UTP4: variants seen among roughly 807,000 people sequenced by gnomAD.
UTP4 encodes the protein UTP4 small subunit processome component.
Under a neutral mutation model 82.4 loss-of-function variants are expected in UTP4, and 45 were observed. That is an observed-to-expected ratio of 0.55 (90% CI 0.43 to 0.70). UTP4 has a LOEUF of 0.70. Among genes scored for constraint, UTP4 ranks in the 30% least tolerant of loss-of-function variants. The probability of loss-of-function intolerance (pLI) is 0.00; values close to 1 mark genes in which losing one functional copy is unlikely to be tolerated. For synonymous variants in UTP4, 348 were observed against 300.3 expected, an observed-to-expected ratio of 1.16 and a Z score of -1.64; for missense variants, 819 against 858.3, an observed-to-expected ratio of 0.95 and a Z score of 0.57.
chr16:69,166,785 G>A (rs960062603), intron 15 of UTP4: 48 of 403,950 alleles, frequency 1.2e-4, no homozygotes, highest in African/African-American at 9.4e-4. Flanking sequence ...CTTGCTGCAT[G>A]GAGTTAACAA....
intron 13 of UTP4, 65 bp downstream of exon 13, chr16:69,160,527 A>ATTC: frequency 8.5e-7 from 1 of 1,173,088 alleles, no homozygotes; most frequent in Non-Finnish European, 1.3e-6. Flanking sequence ...CCCTGCAGTT[A>ATTC]CAAGATTCAA....
intron 6 of UTP4, among the ~76,000 whole-genome samples, chr16:69,147,252 C>G (rs1963143798): frequency 6.6e-6 from 1 of 151,228 alleles, no homozygotes; most frequent in South Asian, 2.1e-4. Flanking sequence ...GCCTGTAAAC[C>G]TACCACTTTG....
chr16:69,136,403 T>G (rs1962816420), intron 2 of UTP4, among the ~76,000 whole-genome samples: 1 of 152,202 alleles, frequency 6.6e-6, no homozygotes, highest in African/African-American at 2.4e-5. Context: ...ACTTTTTATA[T>G]TTTTTGTAGA....
chr16:69,162,270 C>G (rs565396251), intron 13 of UTP4, among the ~76,000 whole-genome samples: 35 of 150,256 alleles, frequency 2.3e-4, no homozygotes, highest in African/African-American at 8.3e-4. Context: ...CCCGGCCAAC[C>G]AATAGGTATT....
At position 69,133,566 on chromosome 16, in the gene UTP4, C is replaced by T; in HGVS notation, c.107C>T (p.Thr36Ile). 1 of 1,614,174 alleles carries T rather than the reference C, an allele frequency of 6.2e-7. No homozygotes were observed. The highest frequency in any genetic ancestry group is 1.1e-5 in the South Asian group (1 of 91,084). Residue 36 changes from threonine (T) to isoleucine (I), a missense_variant, in exon 2 of 17, where the codon ACA (threonine) becomes ATA (isoleucine). Transcript: ENST00000314423. ...TCAAACAGATTGGCTGTTTCACGAACAGATGGCACTGTGGAAATTTATAAC... is the reference window on the plus strand; with the variant it reads ...TCAAACAGATTGGCTGTTTCACGAATAGATGGCACTGTGGAAATTTATAAC... ...NQSNRLAVSR[T>I]DGTVEIYNLS...
intron 8 of UTP4, among the ~76,000 whole-genome samples, chr16:69,153,311 G>A (rs537622553): frequency 3.3e-5 from 5 of 152,276 alleles, no homozygotes; most frequent in East Asian, 1.9e-4. Flanking sequence ...GTGTTTAGCC[G>A]TGTTAAAATT....
intron 12 of UTP4, 62 bp from the exon 13 acceptor site, chr16:69,160,294 C>A: frequency 1.5e-6 from 2 of 1,307,842 alleles, no homozygotes; most frequent in Non-Finnish European, 2.2e-6. Flanking sequence ...CCATCATCTC[C>A]AGGGCAGGTC....
chr16:69,150,825 A>G lies in UTP4; in HGVS notation c.923A>G (p.His308Arg), dbSNP rs1487488167. The change falls in exon 8 of 17, where the codon CAC (histidine) becomes CGC (arginine). Residue 308 changes from histidine (H) to arginine (R), a missense_variant. Physicochemically the swap from His to Arg is conservative, Grantham distance 29. Transcript: ENST00000314423. The part of the protein sequence containing the change: ...TALISGGTDT[H>R]LVFRPLMEKV... ...CCTGCTTTCCCAGGCACTGACACCC[A>G]CTTAGTCTTTCGTCCTCTCATGGAG... 2 of 1,613,778 alleles carry G rather than the reference A, an allele frequency of 1.2e-6. No individual in the cohort carries two copies. The highest frequency in any genetic ancestry group is 1.7e-6 in the Non-Finnish European group (2 of 1,179,934).
intron 2 of UTP4, among the ~76,000 whole-genome samples, 174 bp downstream of exon 2, chr16:69,133,792 A>G (rs1406813338): frequency 6.6e-6 from 1 of 152,160 alleles, no homozygotes; most frequent in Non-Finnish European, 1.5e-5. Context: ...CTCAGTTTCA[A>G]TCTGTGTAAT....
At chr16:69,147,211 T>G (rs2152279348) in intron 6 of UTP4, among the ~76,000 whole-genome samples, 1 of 145,450 alleles carries the variant, frequency 6.9e-6, no homozygotes, top group South Asian at 2.2e-4. Flanking sequence ...ATAATAATAA[T>G]AATAATAATA....
At chr16:69,147,611 G>A (rs931778172) in intron 6 of UTP4, among the ~76,000 whole-genome samples, 1 of 152,166 alleles carries the variant, frequency 6.6e-6, no homozygotes, top group Non-Finnish European at 1.5e-5. Context: ...AAGTGTTTCA[G>A]ATTTTGGATT....
intron 15 of UTP4, 63 bp from the exon 16 acceptor site, chr16:69,167,012 A>G (rs1322454757): frequency 1.8e-6 from 2 of 1,096,370 alleles, no homozygotes; most frequent in Non-Finnish European, 2.8e-6. Flanking sequence ...TGCACTACAG[A>G]TCTTTGGTCT....
chr16:69,133,404 T>C (rs1174791561), intron 1 of UTP4, 54 bp from the exon 2 acceptor site: 11 of 1,539,946 alleles, frequency 7.1e-6, no homozygotes, highest in Non-Finnish European at 9.0e-6. Context: ...GAATACTATA[T>C]GTGACATACT....
chr16:69,135,567 TTAGA>T (rs1962789192), intron 2 of UTP4, among the ~76,000 whole-genome samples: 1 of 151,896 alleles, frequency 6.6e-6, no homozygotes, highest in African/African-American at 2.4e-5. Context: ...AATAAATAAA[TTAGA>T]TAGGTGTGGT....
intron 14 of UTP4, 147 bp from the exon 15 acceptor site, chr16:69,165,194 C>CA (rs111880969): frequency 0.12 from 64,557 of 547,544 alleles, no homozygotes; most frequent in East Asian, 0.14. Context: ...GACTCCATCT[C>CA]AAAAAAAAAA....
At chr16:69,133,764 C>T (rs897155017) in intron 2 of UTP4, 146 bp downstream of exon 2, 21 of 776,984 alleles carry the variant, frequency 2.7e-5, no homozygotes, top group Non-Finnish European at 4.4e-5. Flanking sequence ...TCTGAGATCT[C>T]CTAACTGATA....
intron 14 of UTP4, among the ~76,000 whole-genome samples, 172 bp from the exon 15 acceptor site, chr16:69,165,169 T>C (rs1169588417): frequency 6.6e-6 from 1 of 151,316 alleles, no homozygotes; most frequent in Non-Finnish European, 1.5e-5. Flanking sequence ...CACTCCAGCC[T>C]GTGTGGCAGA....
rs553959494 is a variant in UTP4, at chr16:69,165,231, A to G, written c.1648-110A>G. On this transcript the variant is annotated intron_variant, in intron 14 of 16. Transcript: ENST00000314423. The stretch of plus-strand genomic sequence containing the variant: ...AAAGTGTTGGGAGAGCATAGAATGA[A>G]TATAATACAGTTGAAGCTTTGTATA... The G allele has an allele frequency of 3.0e-5, 27 of 911,564 alleles. No homozygotes were observed. In the African/African-American group the frequency reaches 4.3e-4, roughly 14 times the overall value. The allele number at this position is 911,564 out of a possible 1,614,324, so 56.5% of individuals were successfully genotyped here. A position where few individuals can be genotyped will look rare whatever the true frequency, so the allele number is the denominator to read the frequency against.
At chr16:69,133,340 C>T in intron 1 of UTP4, 118 bp from the exon 2 acceptor site, 1 of 947,712 alleles carries the variant, frequency 1.1e-6, no homozygotes, top group Non-Finnish European at 1.7e-6. Context: ...TGGAAATGAA[C>T]TTCAGGGAGA....
Sources: allele counts gnomAD v4.1 joint callset (sites outside exome capture counted in the v4.1 genomes callset), GRCh38; gene constraint gnomAD v4.1.1; transcripts MANE v1.5; gene names NCBI Gene and HGNC (gene_info 2026-07-23, HGNC 2026-07-21).